DPP10: variants seen among roughly 807,000 people sequenced by gnomAD.
The protein encoded by DPP10 is inactive dipeptidyl peptidase 10.
A neutral mutation model predicts 120.9 loss-of-function variants in DPP10; 33 were observed. That is an observed-to-expected ratio of 0.27 (90% CI 0.21 to 0.37). DPP10 has a LOEUF of 0.37. DPP10 is among the 10% of genes least tolerant of loss of function. The probability of loss-of-function intolerance (pLI) is 1.00; values close to 1 mark genes in which losing one functional copy is unlikely to be tolerated. For synonymous variants in DPP10, 337 were observed against 326.1 expected, an observed-to-expected ratio of 1.03 and a Z score of -0.36; for missense variants, 816 against 942.8, an observed-to-expected ratio of 0.87 and a Z score of 1.76.
intron 1 of DPP10, among the ~76,000 whole-genome samples, chr2:114,756,312 TG>T (rs1679741417): frequency 1.3e-5 from 2 of 152,154 alleles, no homozygotes; most frequent in Admixed American, 6.5e-5. Flanking sequence ...TAGCTTTCCC[TG>T]GGGGATCTGC....
intron 2 of DPP10, among the ~76,000 whole-genome samples, chr2:115,336,712 T>C (rs1056223998): frequency 1.3e-5 from 2 of 151,886 alleles, no homozygotes; most frequent in Non-Finnish European, 2.9e-5. Flanking sequence ...TATTAAATTT[T>C]AGCAATATTT....
rs549363664 is a variant in DPP10 at position 114,897,832 on chromosome 2, A to C, written c.61-411407A>C. ...CACACCAGTTAGAATGGCAATCATT[A>C]AAAAGTCAGGAAACAACAGGTGCTG... On this transcript the variant is annotated intron_variant, in intron 1 of 25. Transcript: ENST00000410059. 2.4e-3 allele frequency among the ~76,000 whole-genome samples: 358 copies of C among 152,208 alleles called. 1 individual carries two copies. The Middle Eastern group carries it at 0.027, about 12-fold the overall frequency.
intron 1 of DPP10, among the ~76,000 whole-genome samples, chr2:114,774,136 G>A (rs1681516914): frequency 2.6e-5 from 4 of 152,042 alleles, no homozygotes; most frequent in Admixed American, 2.6e-4. Context: ...TGCACTGTGG[G>A]TTGTATTCTG....
chr2:114,998,756 C>A (rs190884516), intron 1 of DPP10, among the ~76,000 whole-genome samples: 1 of 152,226 alleles, frequency 6.6e-6, no homozygotes, highest in East Asian at 1.9e-4. Flanking sequence ...GGAGAAGGAG[C>A]AGAACAGAAA....
chr2:115,522,209 G>A (rs935013478), intron 4 of DPP10, among the ~76,000 whole-genome samples: 5 of 152,122 alleles, frequency 3.3e-5, no homozygotes, highest in African/African-American at 1.2e-4. Flanking sequence ...TAAATAGGCG[G>A]TCTGATTACT....
intron 1 of DPP10, among the ~76,000 whole-genome samples, chr2:114,834,558 C>T (rs540982888): frequency 8.0e-5 from 12 of 149,832 alleles, no homozygotes; most frequent in Non-Finnish European, 1.5e-4. Flanking sequence ...GCCATATCTA[C>T]GCACCTATGT....
intron 1 of DPP10, among the ~76,000 whole-genome samples, chr2:115,024,675 A>G (rs4527210): frequency 0.53 from 78,544 of 148,070 alleles, 21,607 homozygotes; most frequent in East Asian, 0.65. Context: ...TTAAATGTAT[A>G]TAGAGAGACA....
intron 1 of DPP10, among the ~76,000 whole-genome samples, chr2:115,045,033 G>A (rs1232568819): frequency 6.6e-6 from 1 of 152,100 alleles, no homozygotes; most frequent in African/African-American, 2.4e-5. Flanking sequence ...TGGATACTTT[G>A]GTAGATCCCA....
chr2:114,935,685 T>G (rs1207224832), intron 1 of DPP10, among the ~76,000 whole-genome samples: 1 of 151,770 alleles, frequency 6.6e-6, no homozygotes, highest in Non-Finnish European at 1.5e-5. Context: ...TTTGCTCAAG[T>G]GTGTGTGTGT....
At position 114,998,818 on chromosome 2, in the gene DPP10, C is replaced by T. The variant is rs1701257691; in HGVS notation, c.61-310421C>T. ...GGACACCAGCAGGTTAGCGCTGCCC[C>T]TGTATCTCAGAACTAGCAGCAGGAA... On this transcript the variant is annotated intron_variant, in intron 1 of 25. Coordinates refer to ENST00000410059, the MANE Select transcript of DPP10 (RefSeq NM_020868.6). Among the ~76,000 whole-genome samples the T allele has an allele frequency of 3.9e-5, 6 of 152,142 alleles. No individual in the cohort carries two copies. The South Asian group carries it at 1.2e-3, about 31-fold the overall frequency.
intron 7 of DPP10, among the ~76,000 whole-genome samples, chr2:115,722,643 C>T (rs1288072972): frequency 6.6e-6 from 1 of 151,900 alleles, no homozygotes; most frequent in Non-Finnish European, 1.5e-5. Context: ...TTGTATCAAA[C>T]ATATAGACAC....
rs112340447 is a variant in DPP10 at position 114,657,119 on chromosome 2, C to T, written c.60+214281C>T. The stretch of plus-strand genomic sequence containing the variant: ...AATCTGGAAGATTAATGGGTAATTT[C>T]GACTTCCTGCTAATTCTTTATACAA... On this transcript the variant is annotated intron_variant, in intron 1 of 25. Coordinates refer to ENST00000410059, the MANE Select transcript of DPP10 (RefSeq NM_020868.6). Among the ~76,000 whole-genome samples the T allele has an allele frequency of 6.4e-3, 971 of 152,118 alleles. 14 individuals carry two copies. The highest frequency in any genetic ancestry group is 0.014 in the Middle Eastern group (4 of 294).
At chr2:115,560,370 CAAAAAAAAAAAAAAAAAAAAA>C in intron 5 of DPP10, among the ~76,000 whole-genome samples, 1 of 11,104 alleles carries the variant, frequency 9.0e-5, no homozygotes, top group Non-Finnish European at 1.6e-4. Context: ...GACTCCTTCT[CAAAAAAAAAAAAAAAAAAAAA>C]AAAAAAAAAA....
chr2:115,509,244 T>A lies in DPP10; in HGVS notation c.366+9640T>A, dbSNP rs536192726. ...GCCTAGGCTTGAGATTATAAGCAAATGGACTTAGGCAGTGCCAGCAGAGAA... is the reference window on the plus strand; with the variant it reads ...GCCTAGGCTTGAGATTATAAGCAAAAGGACTTAGGCAGTGCCAGCAGAGAA... On this transcript the variant is annotated intron_variant, in intron 4 of 25. Transcript: ENST00000410059. Among the ~76,000 whole-genome samples the A allele has an allele frequency of 3.3e-5, 5 of 152,186 alleles. No individual in the cohort carries two copies. The East Asian group carries it at 9.7e-4, about 29-fold the overall frequency.
chr2:114,681,702 T>C (rs1231215458), intron 1 of DPP10, among the ~76,000 whole-genome samples: 1 of 152,032 alleles, frequency 6.6e-6, no homozygotes, highest in African/African-American at 2.4e-5. Flanking sequence ...AAGCCGGTAG[T>C]AGGTCAGGGG....
chr2:115,089,274 C>T (rs915366573), intron 1 of DPP10, among the ~76,000 whole-genome samples: 1 of 152,164 alleles, frequency 6.6e-6, no homozygotes, highest in South Asian at 2.1e-4. Context: ...ATTATTCTTA[C>T]ACACAGTCAG....
chr2:115,088,986 A>C (rs993569999), intron 1 of DPP10, among the ~76,000 whole-genome samples: 1 of 152,048 alleles, frequency 6.6e-6, no homozygotes. Flanking sequence ...TTGCCATCCC[A>C]GGTTGGCCCC....
intron 7 of DPP10, among the ~76,000 whole-genome samples, chr2:115,702,382 G>A (rs562835666): frequency 4.6e-5 from 7 of 152,074 alleles, no homozygotes; most frequent in East Asian, 3.9e-4. Flanking sequence ...AACTTTGTAC[G>A]CAAATGTCCA....
chr2:115,129,026 G>A (rs980884043), intron 1 of DPP10, among the ~76,000 whole-genome samples: 5 of 152,176 alleles, frequency 3.3e-5, no homozygotes, highest in Admixed American at 2.6e-4. Flanking sequence ...ACCCATCAAA[G>A]GATATTAGGT....
Sources: gnomAD v4.1 joint callset for allele counts (sites outside exome capture counted in the v4.1 genomes callset) on GRCh38, gnomAD v4.1.1 for gene constraint, MANE v1.5 for transcripts, NCBI Gene and HGNC (gene_info 2026-07-23, HGNC 2026-07-21) for gene names.